Variants in ROR2 observed in about 807,000 individuals in gnomAD.
ROR2 encodes the protein ROR family WNT receptor 2, also known as tyrosine-protein kinase transmembrane receptor ROR2.
Under a neutral mutation model 74.9 loss-of-function variants are expected in ROR2, and 33 were observed. That is an observed-to-expected ratio of 0.44 (90% CI 0.33 to 0.59). The LOEUF is 0.59. Among genes scored for constraint, ROR2 ranks in the 20% least tolerant of loss-of-function variants. ROR2 has a pLI of 0.02. For missense variants in ROR2, 1,216 were observed against 1,313.8 expected, an observed-to-expected ratio of 0.93 and a Z score of 1.15; for synonymous variants, 586 against 558.7, an observed-to-expected ratio of 1.05 and a Z score of -0.69.
At chr9:91,747,349 T>C (rs1825455564) in intron 4 of ROR2, among the ~76,000 whole-genome samples, 2 of 152,182 alleles carry the variant, frequency 1.3e-5, no homozygotes, top group East Asian at 3.9e-4. Flanking sequence ...CAAGCTTTAG[T>C]CCCACACATC....
chr9:91,788,538 G>C (rs78241269), intron 1 of ROR2, among the ~76,000 whole-genome samples: 1 of 148,692 alleles, frequency 6.7e-6, no homozygotes, highest in East Asian at 1.9e-4. Flanking sequence ...TCATAGTGTT[G>C]GGGAAAAAAA....
At chr9:91,774,573 T>G (rs1010192040) in intron 2 of ROR2, among the ~76,000 whole-genome samples, 1 of 152,174 alleles carries the variant, frequency 6.6e-6, no homozygotes, top group Non-Finnish European at 1.5e-5. Flanking sequence ...AGCCAATCAC[T>G]GAAACAACAA....
At chr9:91,867,022 T>TC (rs1490472562) in intron 1 of ROR2, among the ~76,000 whole-genome samples, 1 of 152,224 alleles carries the variant, frequency 6.6e-6, no homozygotes, top group East Asian at 1.9e-4. Context: ...GGGTTCTGGT[T>TC]CTGGACAAGA....
chr9:91,832,570 G>A (rs1828493617), intron 1 of ROR2, among the ~76,000 whole-genome samples: 1 of 151,948 alleles, frequency 6.6e-6, no homozygotes, highest in Non-Finnish European at 1.5e-5. Context: ...TCAGTGAGTA[G>A]AAGGCCTCAA....
chr9:91,816,462 G>A lies in ROR2; in HGVS notation c.98-40644C>T, dbSNP rs150925961. On this transcript the variant is annotated intron_variant, in intron 1 of 8. Transcript: ENST00000375708. ...CTCTGGCTGGTCTCAGATCACCCACGCTCTTTCTTGTCTTGAGACGTGGAC... is the reference window on the plus strand; with the variant it reads ...CTCTGGCTGGTCTCAGATCACCCACACTCTTTCTTGTCTTGAGACGTGGAC... 7.2e-5 allele frequency among the ~76,000 whole-genome samples: 11 copies of A among 152,088 alleles called. No homozygotes were observed. In the East Asian group the frequency reaches 1.5e-3, roughly 21 times the overall value.
chr9:91,786,468 T>C (rs1265368153), intron 1 of ROR2, among the ~76,000 whole-genome samples: 1 of 152,006 alleles, frequency 6.6e-6, no homozygotes, highest in African/African-American at 2.4e-5. Context: ...AACAAAAATA[T>C]GAGGTGAAAA....
At chr9:91,920,572 G>A (rs1189784448) in intron 1 of ROR2, among the ~76,000 whole-genome samples, 3 of 152,170 alleles carry the variant, frequency 2.0e-5, no homozygotes, top group Non-Finnish European at 4.4e-5. Flanking sequence ...AAGAGGCAAG[G>A]GAACAGAGAT....
chr9:91,877,413 G>T (rs1829986957), intron 1 of ROR2, among the ~76,000 whole-genome samples: 1 of 152,156 alleles, frequency 6.6e-6, no homozygotes, highest in African/African-American at 2.4e-5. Flanking sequence ...TAAGTGGACG[G>T]GGACAGAAAG....
At chr9:91,737,911 T>A (rs949500889) in intron 4 of ROR2, among the ~76,000 whole-genome samples, 2 of 152,196 alleles carry the variant, frequency 1.3e-5, no homozygotes, top group Admixed American at 1.3e-4. Flanking sequence ...ATTCCAATCA[T>A]ATGACATTCT....
intron 2 of ROR2, among the ~76,000 whole-genome samples, chr9:91,770,293 G>A (rs891435283): frequency 2.0e-5 from 3 of 152,186 alleles, no homozygotes; most frequent in African/African-American, 7.2e-5. Flanking sequence ...AAGATGAAAA[G>A]AATTCTGAGG....
intron 2 of ROR2, among the ~76,000 whole-genome samples, chr9:91,775,393 G>A (rs1006775915): frequency 2.6e-5 from 4 of 152,120 alleles, no homozygotes; most frequent in Admixed American, 1.3e-4. Context: ...CTGGGAGGAG[G>A]AGGGCCGTCC....
chr9:91,892,581 T>C (rs1830446150), intron 1 of ROR2, among the ~76,000 whole-genome samples: 1 of 140,002 alleles, frequency 7.1e-6, no homozygotes, highest in Admixed American at 7.8e-5. Flanking sequence ...TTTCTTTTTC[T>C]TTTCTTTTCT....
At chr9:91,854,109 T>G (rs1042610433) in intron 1 of ROR2, among the ~76,000 whole-genome samples, 14 of 152,134 alleles carry the variant, frequency 9.2e-5, no homozygotes, top group African/African-American at 3.4e-4. Flanking sequence ...TGGGCCCCTG[T>G]GGGAGGCCAC....
intron 1 of ROR2, among the ~76,000 whole-genome samples, chr9:91,931,689 C>A (rs1198822197): frequency 6.6e-6 from 1 of 151,904 alleles, no homozygotes; most frequent in Non-Finnish European, 1.5e-5. Flanking sequence ...GCAATAAAAC[C>A]ACAAAATAAC....
chr9:91,731,258 T>C, intron 6 of ROR2, 103 bp from the exon 7 acceptor site: 2 of 1,531,402 alleles, frequency 1.3e-6, no homozygotes, highest in South Asian at 2.3e-5. Context: ...GGATTTTACA[T>C]AACTTACCAG....
chr9:91,901,760 G>T (rs998520840), intron 1 of ROR2, among the ~76,000 whole-genome samples: 3 of 144,444 alleles, frequency 2.1e-5, no homozygotes, highest in Non-Finnish European at 3.0e-5. Flanking sequence ...AGGTTGCAGC[G>T]AGCCATGATC....
chr9:91,916,870 A>T (rs535940162), intron 1 of ROR2, among the ~76,000 whole-genome samples: 112 of 152,272 alleles, frequency 7.4e-4, no homozygotes, highest in African/African-American at 2.5e-3. Context: ...CATGGTAGAA[A>T]GATTCTCTCA....
chr9:91,814,050 T>C (rs1401202016), intron 1 of ROR2, among the ~76,000 whole-genome samples: 1 of 152,180 alleles, frequency 6.6e-6, no homozygotes, highest in Non-Finnish European at 1.5e-5. Flanking sequence ...CAGCCGGGTA[T>C]GGTGGCACAC....
At chr9:91,755,238 G>A (rs942244108) in intron 4 of ROR2, among the ~76,000 whole-genome samples, 2 of 152,204 alleles carry the variant, frequency 1.3e-5, no homozygotes, top group Admixed American at 6.5e-5. Context: ...GCCTCCCAAC[G>A]TGGTGTTGCA....
Sources: allele counts gnomAD v4.1 joint callset (sites outside exome capture counted in the v4.1 genomes callset), GRCh38; gene constraint gnomAD v4.1.1; transcripts MANE v1.5; gene names NCBI Gene and HGNC (gene_info 2026-07-23, HGNC 2026-07-21).